C8orf34: variants seen among roughly 807,000 people sequenced by gnomAD.
C8orf34 encodes the protein chromosome 8 open reading frame 34.
A neutral mutation model predicts 68.3 loss-of-function variants in C8orf34; 65 were observed. The observed-to-expected ratio is 0.95, with a 90% CI of 0.78 to 1.17. C8orf34 has a LOEUF of 1.17. Ranked by LOEUF, C8orf34 falls within the 50% of genes most tolerant of loss-of-function variation. The pLI, the probability that C8orf34 is intolerant of heterozygous loss-of-function variation, is 0.00. For missense variants in C8orf34, 664 were observed against 655.4 expected (o/e 1.01, Z -0.14); for synonymous variants, 244 against 241.2 (o/e 1.01, Z -0.11).
chr8:68,724,082 A>G (rs1460389766), intron 10 of C8orf34, among the ~76,000 whole-genome samples: 5 of 152,198 alleles, frequency 3.3e-5, no homozygotes, highest in Non-Finnish European at 5.9e-5. Flanking sequence ...ACCCTGAAGC[A>G]GACAATTTCT....
chr8:68,346,016 C>G (rs1806267414), intron 1 of C8orf34, among the ~76,000 whole-genome samples: 1 of 152,030 alleles, frequency 6.6e-6, no homozygotes, highest in African/African-American at 2.4e-5. Context: ...ACCCTGTCCC[C>G]CACATCTATG....
intron 7 of C8orf34, among the ~76,000 whole-genome samples, chr8:68,604,106 T>C (rs558950353): frequency 3.0e-4 from 46 of 152,194 alleles, no homozygotes; most frequent in African/African-American, 9.1e-4. Context: ...TTTAGAAGCT[T>C]TTCACAAGAT....
intron 4 of C8orf34, among the ~76,000 whole-genome samples, chr8:68,479,453 G>T (rs1204872315): frequency 6.6e-6 from 1 of 151,938 alleles, no homozygotes; most frequent in African/African-American, 2.4e-5. Context: ...CAGAGAGAGA[G>T]AATATGTGTC....
At chr8:68,791,882 A>C (rs1824004335) in intron 12 of C8orf34, 1 of 152,242 alleles carries the variant, frequency 6.6e-6, no homozygotes, top group Admixed American at 6.5e-5. Flanking sequence ...ACTGTGGAAC[A>C]AGCCATGAAA....
At chr8:68,585,118 C>A (rs1817169707) in intron 7 of C8orf34, among the ~76,000 whole-genome samples, 1 of 152,132 alleles carries the variant, frequency 6.6e-6, no homozygotes, top group Non-Finnish European at 1.5e-5. Flanking sequence ...TGATGCTCAG[C>A]ACTGGGCAGT....
chr8:68,716,844 T>G (rs900144999), intron 9 of C8orf34, among the ~76,000 whole-genome samples: 1 of 151,944 alleles, frequency 6.6e-6, no homozygotes, highest in African/African-American at 2.4e-5. Context: ...TGTTCATGGA[T>G]AGGGAAATGG....
chr8:68,587,311 T>A (rs1817238048), intron 7 of C8orf34, among the ~76,000 whole-genome samples: 2 of 152,152 alleles, frequency 1.3e-5, no homozygotes, highest in Non-Finnish European at 2.9e-5. Context: ...ACTGAACAGA[T>A]AATCTATAAG....
At chr8:68,655,268 G>A (rs912112841) in intron 8 of C8orf34, among the ~76,000 whole-genome samples, 10 of 151,860 alleles carry the variant, frequency 6.6e-5, no homozygotes, top group African/African-American at 1.2e-4. Context: ...TATTACATTC[G>A]GTAATAGCTG....
intron 4 of C8orf34, 91 bp downstream of exon 4, chr8:68,468,911 T>TCC: frequency 1.5e-6 from 2 of 1,371,908 alleles, no homozygotes; most frequent in Non-Finnish European, 2.0e-6. Context: ...ATTTCTAACA[T>TCC]CCTCATTCTA....
chr8:68,813,608 C>T (rs1389160196), intron 12 of C8orf34, among the ~76,000 whole-genome samples: 2 of 151,950 alleles, frequency 1.3e-5, no homozygotes, highest in Admixed American at 6.6e-5. Context: ...ACATTGGGTC[C>T]CTGTTAGCCT....
chr8:68,373,032 G>A (rs1191417948), intron 1 of C8orf34, among the ~76,000 whole-genome samples: 1 of 152,066 alleles, frequency 6.6e-6, no homozygotes, highest in Non-Finnish European at 1.5e-5. Flanking sequence ...TTTTGCTCTT[G>A]TTGCCCAGCC....
chr8:68,559,151 A>G (rs1404244173), intron 7 of C8orf34, among the ~76,000 whole-genome samples: 1 of 152,132 alleles, frequency 6.6e-6, no homozygotes, highest in East Asian at 1.9e-4. Flanking sequence ...GGAATGATGA[A>G]AGGGAGTTAT....
chr8:68,466,986 A>G (rs959223436), intron 3 of C8orf34, among the ~76,000 whole-genome samples: 9 of 152,016 alleles, frequency 5.9e-5, no homozygotes, highest in Non-Finnish European at 1.3e-4. Flanking sequence ...TGGTTTAAAA[A>G]AGTTTAAGTA....
chr8:68,580,033 G>GGCT (rs1169036462), intron 7 of C8orf34, among the ~76,000 whole-genome samples: 1 of 152,040 alleles, frequency 6.6e-6, no homozygotes, highest in Non-Finnish European at 1.5e-5. Context: ...CTTTATAAAA[G>GGCT]GCTGCTCATA....
rs1237765866 is a variant in C8orf34 at position 68,774,329 on chromosome 8, G to GTATATATATATATATATA, written c.1405-2069_1405-2068insATATATATATATATATAT. The stretch of plus-strand genomic sequence containing the variant: ...TCTATGTATAAAAATATGGGTGTGT[G>GTATATATATATATATATA]TGTATATATATATATATATAAAATA... On this transcript the variant is annotated intron_variant, in intron 10 of 13. Coordinates refer to ENST00000518698, the MANE Select transcript of C8orf34 (RefSeq NM_052958.4). 7.0e-3 allele frequency among the ~76,000 whole-genome samples: 887 copies of GTATATATATATATATATA among 126,776 alleles called. 25 individuals are homozygous for GTATATATATATATATATA. Among genetic ancestry groups the GTATATATATATATATATA allele is most frequent in the African/African-American group, 0.029 (833 of 29,008 alleles). The allele number at this position is 126,776 out of a possible 152,430, so 83.2% of individuals were successfully genotyped here.
chr8:68,809,366 A>G (rs1453976551), intron 12 of C8orf34, among the ~76,000 whole-genome samples: 1 of 152,186 alleles, frequency 6.6e-6, no homozygotes, highest in African/African-American at 2.4e-5. Context: ...ATTTAGCACT[A>G]CAGGGGAAAG....
intron 4 of C8orf34, 25 bp from the exon 5 acceptor site, chr8:68,487,998 T>C: frequency 6.4e-7 from 1 of 1,560,450 alleles, no homozygotes; most frequent in East Asian, 2.3e-5. Context: ...AAAACTTTTT[T>C]TTATAAATCT....
At chr8:68,341,788 G>C (rs1806080818) in intron 1 of C8orf34, among the ~76,000 whole-genome samples, 1 of 152,220 alleles carries the variant, frequency 6.6e-6, no homozygotes. Flanking sequence ...GCCGATGCCA[G>C]TGCCATGCTT....
chr8:68,635,972 GA>G (rs1419548629), intron 7 of C8orf34, among the ~76,000 whole-genome samples: 1 of 152,160 alleles, frequency 6.6e-6, no homozygotes, highest in African/African-American at 2.4e-5. Context: ...TATAGAACGG[GA>G]GTTAGCCACT....
Sources: allele counts gnomAD v4.1 joint callset (sites outside exome capture counted in the v4.1 genomes callset), GRCh38; gene constraint gnomAD v4.1.1; transcripts MANE v1.5; gene names NCBI Gene and HGNC (gene_info 2026-07-23, HGNC 2026-07-21).